ZC3H12B: variants seen among roughly 807,000 people sequenced by gnomAD.
The protein encoded by ZC3H12B is zinc finger CCCH-type containing 12B, also known as probable ribonuclease ZC3H12B.
A neutral mutation model predicts 43.9 loss-of-function variants in ZC3H12B; 7 were observed. The observed-to-expected ratio is 0.16, with a 90% CI of 0.09 to 0.30. The LOEUF (loss-of-function observed/expected upper bound fraction) is 0.30, where lower values mean the gene tolerates loss of function less well. ZC3H12B is among the 10% of genes least tolerant of loss of function. ZC3H12B has a pLI of 1.00. For missense variants in ZC3H12B, 475 were observed against 670.2 expected (o/e 0.71, Z 3.22); for synonymous variants, 222 against 241.7 (o/e 0.92, Z 0.76).
the ZC3H12B span, among the ~76,000 whole-genome samples, chrX:65,169,837 T>G: frequency 8.9e-6 from 1 of 112,043 alleles, no homozygotes; most frequent in African/African-American, 3.2e-5. Context: ...GTCTGTTTCA[T>G]CAGAGACTAG....
At chrX:65,189,981 G>A in the ZC3H12B span, among the ~76,000 whole-genome samples, 2 of 110,210 alleles carry the variant, frequency 1.8e-5, no homozygotes, top group African/African-American at 3.4e-5. Flanking sequence ...TGTATAAGGT[G>A]TAAGGAAGGG....
upstream of ZC3H12B, among the ~76,000 whole-genome samples, chrX:65,485,703 G>T (rs1186499488): frequency 8.9e-6 from 1 of 111,733 alleles, no homozygotes; most frequent in Non-Finnish European, 1.9e-5. Flanking sequence ...ATAATATTAG[G>T]CATGAGGTGT....
At chrX:65,317,006 G>C in the ZC3H12B span, among the ~76,000 whole-genome samples, 1 of 111,011 alleles carries the variant, frequency 9.0e-6, no homozygotes, top group Non-Finnish European at 1.9e-5. Context: ...TCTAAGTTCA[G>C]ACAAAGCCGA....
At chrX:65,332,869 A>G in the ZC3H12B span, among the ~76,000 whole-genome samples, 957 of 112,328 alleles carry the variant, frequency 8.5e-3, 11 homozygotes, top group Admixed American at 0.043. Flanking sequence ...TGTACTAAAG[A>G]TAAATCATGG....
the ZC3H12B span, among the ~76,000 whole-genome samples, chrX:65,224,804 T>C: frequency 9.0e-6 from 1 of 111,541 alleles, no homozygotes; most frequent in Non-Finnish European, 1.9e-5. Context: ...AACTACAAGG[T>C]GGCAGCGAGG....
At chrX:65,218,345 G>A in the ZC3H12B span, among the ~76,000 whole-genome samples, 1 of 112,399 alleles carries the variant, frequency 8.9e-6, no homozygotes, top group South Asian at 3.6e-4. Context: ...GATTGCCACT[G>A]CAGGCTACAT....
chrX:65,289,188 G>A, the ZC3H12B span, among the ~76,000 whole-genome samples: 1 of 110,896 alleles, frequency 9.0e-6, no homozygotes, highest in African/African-American at 3.3e-5. Context: ...CAAGTTCAAT[G>A]TAATCCCAAT....
the ZC3H12B span, chrX:65,357,081 C>G: frequency 1.8e-6 from 1 of 542,580 alleles, no homozygotes; most frequent in African/African-American, 2.3e-5. Flanking sequence ...GAGGGCCAGT[C>G]ACTGCCCACC....
chrX:65,466,866 A>AT (rs1168030630), intron 3 of ZC3H12B, among the ~76,000 whole-genome samples: 2 of 71,583 alleles, frequency 2.8e-5, no homozygotes, highest in African/African-American at 9.5e-5. Flanking sequence ...TATTTTTTTA[A>AT]TTTTGTTCTA....
chrX:65,391,374 A>G (rs1436101006), intron 2 of ZC3H12B, among the ~76,000 whole-genome samples: 1 of 112,603 alleles, frequency 8.9e-6, no homozygotes, highest in Non-Finnish European at 1.9e-5. Context: ...TCACAGGTTG[A>G]TTATTCAGCA....
chrX:65,408,338 AATACG>A (rs771071079), intron 3 of ZC3H12B: 13 of 1,201,858 alleles, frequency 1.1e-5, no homozygotes, highest in Admixed American at 6.5e-5. Flanking sequence ...CAAGAGATTG[AATACG>A]ATTTGTGCAC....
chrX:65,213,300 T>C, the ZC3H12B span, among the ~76,000 whole-genome samples: 1 of 110,686 alleles, frequency 9.0e-6, no homozygotes, highest in African/African-American at 3.3e-5. Flanking sequence ...ATTCACTCCT[T>C]TAGTGATGGG....
chrX:65,367,687 A>C (rs1163659601), intron 1 of ZC3H12B, among the ~76,000 whole-genome samples: 1 of 111,118 alleles, frequency 9.0e-6, no homozygotes, highest in Non-Finnish European at 1.9e-5. Flanking sequence ...ATCTTTCTAA[A>C]CCTTCAGAAT....
chrX:65,220,039 G>A, the ZC3H12B span, among the ~76,000 whole-genome samples: 1 of 111,202 alleles, frequency 9.0e-6, no homozygotes, highest in Admixed American at 9.6e-5. Context: ...GAAAGGGATA[G>A]GGGTCCGATC....
At chrX:65,238,621 T>A in the ZC3H12B span, among the ~76,000 whole-genome samples, 1 of 111,920 alleles carries the variant, frequency 8.9e-6, no homozygotes, top group Non-Finnish European at 1.9e-5. Flanking sequence ...TGTTTTGTCT[T>A]CTGCTACCTT....
At chrX:65,320,913 A>C in the ZC3H12B span, among the ~76,000 whole-genome samples, 71 of 112,609 alleles carry the variant, frequency 6.3e-4, 1 homozygote, top group African/African-American at 2.3e-3. Context: ...TGAATTAAAG[A>C]CTTAAATGTA....
intron 3 of ZC3H12B, among the ~76,000 whole-genome samples, chrX:65,413,736 T>G (rs2066930031): frequency 8.9e-6 from 1 of 112,079 alleles, no homozygotes; most frequent in South Asian, 3.7e-4. Context: ...TTTTTCTTAC[T>G]TTTTAAAGAT....
At chrX:65,367,101 C>CTT (rs2066183758) in intron 1 of ZC3H12B, among the ~76,000 whole-genome samples, 1 of 112,038 alleles carries the variant, frequency 8.9e-6, no homozygotes, top group South Asian at 3.8e-4. Context: ...GAACTTTCTT[C>CTT]TTAGTGTCCT....
chrX:65,153,291 C>G, the ZC3H12B span, among the ~76,000 whole-genome samples: 1 of 111,816 alleles, frequency 8.9e-6, no homozygotes, highest in African/African-American at 3.2e-5. Flanking sequence ...TCAGAGTGAA[C>G]AGGCAACCTA....
Sources: gnomAD v4.1 joint callset for allele counts (sites outside exome capture counted in the v4.1 genomes callset) on GRCh38, gnomAD v4.1.1 for gene constraint, MANE v1.5 for transcripts, NCBI Gene and HGNC (gene_info 2026-07-23, HGNC 2026-07-21) for gene names.